Variants in SMG5 observed in about 807,000 individuals in gnomAD.
SMG5 encodes the protein nonsense-mediated mRNA decay factor SMG5.
Under a neutral mutation model 122.9 loss-of-function variants are expected in SMG5, and 53 were observed. The observed-to-expected ratio is 0.43, with a 90% CI of 0.35 to 0.54. SMG5 has a LOEUF of 0.54. Ranked by LOEUF, SMG5 falls within the 20% of genes least tolerant of loss-of-function variation. SMG5 has a pLI of 0.01. For missense variants in SMG5, 1,153 were observed against 1,285.6 expected (o/e 0.90, Z 1.58); for synonymous variants, 477 against 490.2 (o/e 0.97, Z 0.35).
Position 156,273,367 on chromosome 1 carries a change from G to T in SMG5, c.628C>A (p.Gln210Lys). 1 of 1,613,420 alleles carries T rather than the reference G, an allele frequency of 6.2e-7. No homozygotes were observed. The highest frequency in any genetic ancestry group is 8.5e-7 in the Non-Finnish European group (1 of 1,179,814). ...CAAGTTGGGGACAACTTACCAATCTGAGGAGCTACTGACAGGGCTTGGTAG... is the reference window on the plus strand; with the variant it reads ...CAAGTTGGGGACAACTTACCAATCTTAGGAGCTACTGACAGGGCTTGGTAG... Reference protein sequence around the residue: ...FYYQALSVAPQIGMPFNQLGT... With the variant: ...FYYQALSVAPKIGMPFNQLGT... The change falls in exon 6 of 22, where the codon CAG becomes AAG. Residue 210 changes from glutamine to lysine, a missense_variant. Transcript: ENST00000361813.
At chr1:156,286,235 T>C (rs368278418), upstream of SMG5, 2 of 1,611,234 alleles carry the variant, frequency 1.2e-6, no homozygotes, top group African/African-American at 2.7e-5. Flanking sequence ...TTTCTGACCC[T>C]ACCCTGTTTC....
At position 156,282,784 on chromosome 1, in the gene SMG5, G is replaced by A. The variant is rs865810251; in HGVS notation, c.-104C>T. ...GTAGCCGCAGCCGCCGCCGCCACCG[G>A]CCCTGCTCGGCCGCCATCGCTGTGA... On this transcript the variant is annotated 5_prime_UTR_variant, in exon 1 of 22. Coordinates refer to ENST00000361813, the MANE Select transcript of SMG5 (RefSeq NM_015327.3). The A allele has an allele frequency of 1.8e-4, 229 of 1,253,320 alleles. 2 individuals carry two copies. The Middle Eastern group carries it at 2.8e-3, about 16-fold the overall frequency. The allele number at this position is 1,253,320 out of a possible 1,614,324, so 77.6% of individuals were successfully genotyped here. A position where few individuals can be genotyped will look rare whatever the true frequency, so the allele number is the denominator to read the frequency against.
At chr1:156,258,122 G>T (rs1195087125) in intron 16 of SMG5, among the ~76,000 whole-genome samples, 2 of 152,240 alleles carry the variant, frequency 1.3e-5, no homozygotes, top group African/African-American at 4.8e-5. Context: ...GGTACCACAG[G>T]CCACTTTCCA....
intron 19 of SMG5, 26 bp downstream of exon 19, chr1:156,252,388 C>A: frequency 6.2e-7 from 1 of 1,610,362 alleles, no homozygotes; most frequent in Non-Finnish European, 8.5e-7. Flanking sequence ...CAGGGCTCAG[C>A]ACAGGTCCAG....
chr1:156,270,948 A>G (rs1200000863), intron 7 of SMG5, among the ~76,000 whole-genome samples: 6 of 152,024 alleles, frequency 3.9e-5, no homozygotes, highest in African/African-American at 1.5e-4. Context: ...CGGAGGTTGC[A>G]GTGAGCCGAG....
chr1:156,269,212 C>T (rs567631876), intron 7 of SMG5, among the ~76,000 whole-genome samples: 6 of 152,062 alleles, frequency 3.9e-5, no homozygotes, highest in Non-Finnish European at 8.8e-5. Flanking sequence ...TCAGGTGATT[C>T]ACCTGCCTCA....
chr1:156,273,718 CTTT>C (rs748042052), intron 5 of SMG5, among the ~76,000 whole-genome samples: 280 of 116,298 alleles, frequency 2.4e-3, no homozygotes, highest in Middle Eastern at 4.8e-3. Flanking sequence ...GTTTTGTTTT[CTTT>C]TTTTTTTTTT....
chr1:156,260,632 C>T lies in SMG5; in HGVS notation c.2108-6G>A. On this transcript the variant is annotated splice_region_variant and splice_polypyrimidine_tract_variant and intron_variant, in intron 14 of 21. Coordinates refer to ENST00000361813, the MANE Select transcript of SMG5 (RefSeq NM_015327.3). The stretch of plus-strand genomic sequence containing the variant: ...CTCAGGACACAAGGCCAGGCCTGGG[C>T]AGAAGAAGGACACATAAGACCATCT... 6.7e-7 allele frequency: 1 copy of T among 1,493,828 alleles called. No homozygotes were observed. The highest frequency in any genetic ancestry group is 1.4e-5 in the African/African-American group (1 of 69,732). The allele number at this position is 1,493,828 out of a possible 1,614,324, so 92.5% of individuals were successfully genotyped here.
chr1:156,251,361 G>T, intron 20 of SMG5, 42 bp downstream of exon 20: 1 of 1,603,592 alleles, frequency 6.2e-7, no homozygotes, highest in Non-Finnish European at 8.5e-7. Flanking sequence ...GAGGAGCAAG[G>T]CAGGTGGCCT....
chr1:156,268,469 T>C, intron 7 of SMG5, 54 bp from the exon 8 acceptor site: 1 of 1,597,904 alleles, frequency 6.3e-7, no homozygotes, highest in Non-Finnish European at 8.5e-7. Context: ...GATATGTTAC[T>C]CTGCTGGGGC....
chr1:156,252,231 G>A (rs1661385069), intron 19 of SMG5, among the ~76,000 whole-genome samples, 183 bp downstream of exon 19: 1 of 152,182 alleles, frequency 6.6e-6, no homozygotes, highest in South Asian at 2.1e-4. Context: ...CTCTATTTCA[G>A]CAGCTACAAC....
At chr1:156,289,343 G>A in the SMG5 span, among the ~76,000 whole-genome samples, 25 of 150,118 alleles carry the variant, frequency 1.7e-4, no homozygotes, top group African/African-American at 5.4e-4. Flanking sequence ...GTGTGGTGAT[G>A]GGCGCCTGTA....
chr1:156,252,092 G>A (rs1661380577), intron 19 of SMG5, among the ~76,000 whole-genome samples: 1 of 152,202 alleles, frequency 6.6e-6, no homozygotes, highest in Non-Finnish European at 1.5e-5. Flanking sequence ...CTATAAAGGA[G>A]TTCACAGTCT....
chr1:156,277,280 AACTC>A, intron 3 of SMG5, 39 bp from the exon 4 acceptor site: 1 of 1,597,154 alleles, frequency 6.3e-7, no homozygotes, highest in Non-Finnish European at 8.5e-7. Context: ...TTAAGCAATA[AACTC>A]AGAGTCGCAC....
rs982089510 is a variant in SMG5 at position 156,272,488 on chromosome 1, T to C, written c.635-90A>G. The C allele has an allele frequency of 2.3e-5, 24 of 1,059,454 alleles. No homozygotes were observed. In the African/African-American group the frequency reaches 3.0e-4, roughly 13 times the overall value. 65.6% of individuals were successfully genotyped at this position (1,059,454 alleles called of 1,614,324 possible). On this transcript the variant is annotated intron_variant, in intron 6 of 21. Coordinates refer to ENST00000361813, the MANE Select transcript of SMG5 (RefSeq NM_015327.3). ...CCAATGCTAAGCATCAGAGAACCTG[T>C]AGGGAGAACAGCTGGGTCTGCAGGC...
intron 3 of SMG5, 76 bp downstream of exon 3, chr1:156,277,849 C>T: frequency 1.3e-6 from 2 of 1,588,794 alleles, no homozygotes; most frequent in Middle Eastern, 1.7e-4. Flanking sequence ...CTACCTCCAA[C>T]CATGTTCTGC....
intron 14 of SMG5, 95 bp from the exon 15 acceptor site, chr1:156,260,721 AGAT>A (rs1661785693): frequency 8.5e-7 from 1 of 1,176,836 alleles, no homozygotes; most frequent in Non-Finnish European, 1.1e-6. Flanking sequence ...CAGGCTGATG[AGAT>A]GATGAGGCAG....
In SMG5 at chr1:156,266,616, G is replaced by A; in HGVS notation, c.1180C>T (p.His394Tyr). The change falls in exon 11 of 22, where the codon CAT becomes TAT. Residue 394 changes from histidine to tyrosine, a missense_variant. By Grantham distance (83) the His-to-Tyr change is moderately conservative (BLOSUM62 2). Around this residue, in one of 5 missense-constraint regions of SMG5, gnomAD observed 631 missense variants for 650.6 expected, o/e 0.97. Coordinates refer to ENST00000361813, the MANE Select transcript of SMG5 (RefSeq NM_015327.3). ...TCAGCCTGCAGCCGTATGTTGACAT[G>A]ATTGACGAGGTGGGAAAAGAGGGCC... The part of the protein sequence containing the change: ...TLALFSHLVN[H>Y]VNIRLQAELE... 1.9e-6 allele frequency: 3 copies of A among 1,614,166 alleles called. No homozygotes were observed. Among genetic ancestry groups the A allele is most frequent in the Non-Finnish European group, 2.5e-6 (3 of 1,180,040 alleles).
At position 156,274,631 on chromosome 1, in the gene SMG5, T is replaced by C. The variant is rs887058861; in HGVS notation, c.510A>G (p.Ala170=). ...SGKEMDWAQM[A]CHRCLVYLGD... Reference sequence around the variant, plus strand: ...CCAGATACACCAGACATCGGTGACATGCCATCTGTGCCCAATCCATCTCCT... The same window carrying C: ...CCAGATACACCAGACATCGGTGACACGCCATCTGTGCCCAATCCATCTCCT... Residue 170 remains alanine, a synonymous_variant, in exon 5 of 22, where the codon GCA becomes GCG. Transcript: ENST00000361813. 5.6e-6 allele frequency: 9 copies of C among 1,613,904 alleles called. No homozygotes were observed. Among genetic ancestry groups the C allele is most frequent in the Admixed American group, 1.7e-5 (1 of 60,008 alleles).
Sources: allele counts gnomAD v4.1 joint callset (sites outside exome capture counted in the v4.1 genomes callset), GRCh38; gene constraint gnomAD v4.1.1; regional missense constraint gnomAD v4.1.1; transcripts MANE v1.5; gene names NCBI Gene and HGNC (gene_info 2026-07-23, HGNC 2026-07-21).